NFIA: variants seen among roughly 807,000 people sequenced by gnomAD.
NFIA encodes the protein nuclear factor I A, also known as nuclear factor 1 A-type.
NFIA carries 8 observed loss-of-function variants against 62.8 expected under a neutral mutation model. That is an observed-to-expected ratio of 0.13 (90% CI 0.07 to 0.23). The LOEUF (loss-of-function observed/expected upper bound fraction) is 0.23. Among genes scored for constraint, NFIA ranks in the 10% least tolerant of loss-of-function variants. The pLI is 1.00. For missense variants in NFIA, 410 were observed against 642.1 expected (o/e 0.64, Z 3.91); for synonymous variants, 235 against 238.1 (o/e 0.99, Z 0.12).
At chr1:61,387,399 T>C (rs1477189091) in intron 7 of NFIA, among the ~76,000 whole-genome samples, 1 of 152,010 alleles carries the variant, frequency 6.6e-6, no homozygotes, top group East Asian at 1.9e-4. Flanking sequence ...GCTTTGAAAG[T>C]ATCATGCTGT....
At chr1:61,312,880 CA>C (rs1660190548) in intron 3 of NFIA, among the ~76,000 whole-genome samples, 1 of 152,088 alleles carries the variant, frequency 6.6e-6, no homozygotes, top group Non-Finnish European at 1.5e-5. Flanking sequence ...AAAAAAAAAT[CA>C]AACCAAAACA....
chr1:61,126,777 CTTTTTTTTTTTTT>C (rs56255004), intron 2 of NFIA, among the ~76,000 whole-genome samples: 11 of 87,324 alleles, frequency 1.3e-4, no homozygotes, highest in South Asian at 4.8e-4. Context: ...TGTCAGATTC[CTTTTTTTTTTTTT>C]TTTTTTTTTT....
intron 6 of NFIA, among the ~76,000 whole-genome samples, chr1:61,364,403 G>A (rs150200935): frequency 2.5e-3 from 381 of 152,260 alleles, no homozygotes; most frequent in African/African-American, 8.1e-3. Context: ...TGAATGAAGC[G>A]ATAAAGCAGA....
chr1:61,210,350 T>TA (rs1010665549), intron 2 of NFIA, among the ~76,000 whole-genome samples: 3 of 152,136 alleles, frequency 2.0e-5, no homozygotes, highest in Non-Finnish European at 4.4e-5. Context: ...TCAGAAAAAT[T>TA]AAAAAAACAC....
intron 7 of NFIA, among the ~76,000 whole-genome samples, chr1:61,390,563 C>T (rs1232041388): frequency 3.9e-5 from 6 of 152,156 alleles, no homozygotes; most frequent in Non-Finnish European, 7.3e-5. Flanking sequence ...AGTGATGAAA[C>T]ATCTGAAGGT....
chr1:61,361,784 TGTGTGTGTG>T (rs1273276501), intron 6 of NFIA, among the ~76,000 whole-genome samples: 1 of 3,568 alleles, frequency 2.8e-4, no homozygotes, highest in South Asian at 7.7e-3. Flanking sequence ...TGGTAAGAGG[TGTGTGTGTG>T]TGTGTGTGTG....
At chr1:61,262,449 C>T (rs188270350) in intron 2 of NFIA, among the ~76,000 whole-genome samples, 1 of 152,294 alleles carries the variant, frequency 6.6e-6, no homozygotes, top group Admixed American at 6.5e-5. Flanking sequence ...GAAATCTAAA[C>T]ATGTCCTTAA....
At chr1:61,176,978 C>T (rs921712807) in intron 2 of NFIA, among the ~76,000 whole-genome samples, 12 of 151,880 alleles carry the variant, frequency 7.9e-5, no homozygotes, top group Admixed American at 2.0e-4. Context: ...TGGTGGCGGG[C>T]GCCTGTAGTC....
intron 2 of NFIA, among the ~76,000 whole-genome samples, chr1:61,209,448 C>G (rs2100601289): frequency 1.3e-5 from 2 of 152,172 alleles, no homozygotes; most frequent in South Asian, 4.2e-4. Context: ...ATACAGCTCT[C>G]AAGGTACACA....
chr1:61,299,117 A>C (rs991589707), intron 3 of NFIA, among the ~76,000 whole-genome samples: 3 of 152,178 alleles, frequency 2.0e-5, no homozygotes, highest in Admixed American at 2.0e-4. Context: ...ATAGAAGCTA[A>C]AAAGAAGATG....
rs1419835636 is a variant in NFIA, at chr1:61,101,350, G to A, written c.559+12670G>A. Among the ~76,000 whole-genome samples the A allele has an allele frequency of 4.7e-5, 7 of 149,498 alleles. No individual in the cohort carries two copies. The East Asian group carries it at 1.2e-3, about 25-fold the overall frequency. On this transcript the variant is annotated intron_variant, in intron 2 of 10. Coordinates refer to ENST00000403491, the MANE Select transcript of NFIA (RefSeq NM_001134673.4). ...GCAAAGGTTGTAGTGAGCTGAGATC[G>A]CGCCATTGCACTCCAGCCTGGGCAA...
chr1:61,245,371 C>T (rs1269361996), intron 2 of NFIA, among the ~76,000 whole-genome samples: 3 of 152,166 alleles, frequency 2.0e-5, no homozygotes, highest in Non-Finnish European at 2.9e-5. Flanking sequence ...AGTAAATTTT[C>T]AAAGTTCAAA....
chr1:61,348,266 C>CAGTT (rs1197507761), intron 4 of NFIA, among the ~76,000 whole-genome samples: 1 of 152,198 alleles, frequency 6.6e-6, no homozygotes, highest in African/African-American at 2.4e-5. Context: ...TACCTACAGG[C>CAGTT]AGTTGCAGGG....
At chr1:61,168,677 A>G (rs1052253878) in intron 2 of NFIA, among the ~76,000 whole-genome samples, 1 of 152,194 alleles carries the variant, frequency 6.6e-6, no homozygotes, top group Non-Finnish European at 1.5e-5. Context: ...TATATTTGGA[A>G]TACTCCAGGA....
intron 2 of NFIA, among the ~76,000 whole-genome samples, chr1:61,100,165 G>T (rs965088977): frequency 1.3e-5 from 2 of 152,210 alleles, no homozygotes; most frequent in Non-Finnish European, 2.9e-5. Context: ...TTCCTACCTT[G>T]AAGGGAACCT....
At chr1:61,283,594 A>AAAAAAAAAAGAAAAAAAAAAAAAAG (rs59731043) in intron 3 of NFIA, among the ~76,000 whole-genome samples, 5 of 110,010 alleles carry the variant, frequency 4.5e-5, no homozygotes, top group Non-Finnish European at 3.7e-5. Flanking sequence ...AAAAAAAAAA[A>AAAAAAAAAAGAAAAAAAAAAAAAAG]AAAAAAAAAA....
chr1:61,426,330 C>T, intron 9 of NFIA, 135 bp from the exon 10 acceptor site: 1 of 650,014 alleles, frequency 1.5e-6, no homozygotes, highest in Non-Finnish European at 2.8e-6. Context: ...GCTAGCCAGA[C>T]CCCTTTGCTA....
chr1:61,116,995 A>G (rs1646803656), intron 2 of NFIA, among the ~76,000 whole-genome samples: 1 of 152,172 alleles, frequency 6.6e-6, no homozygotes, highest in African/African-American at 2.4e-5. Flanking sequence ...TTAAAATACT[A>G]TTTGCTTTTG....
At chr1:61,185,675 G>A (rs1196319285) in intron 2 of NFIA, among the ~76,000 whole-genome samples, 1 of 135,734 alleles carries the variant, frequency 7.4e-6, no homozygotes, top group African/African-American at 2.8e-5. Flanking sequence ...CTCCTTAGAT[G>A]CTCCAGCCAT....
Sources: gnomAD v4.1 joint callset for allele counts (sites outside exome capture counted in the v4.1 genomes callset) on GRCh38, gnomAD v4.1.1 for gene constraint, MANE v1.5 for transcripts, NCBI Gene and HGNC (gene_info 2026-07-23, HGNC 2026-07-21) for gene names.